Variants in RMND5A observed in about 807,000 individuals in gnomAD.
RMND5A encodes the protein required for meiotic nuclear division 5 homolog A.
A neutral mutation model predicts 49.7 loss-of-function variants in RMND5A; 17 were observed. The ratio of observed to expected loss-of-function variants is 0.34; its 90% CI spans 0.23 to 0.51. The LOEUF is 0.51. RMND5A is among the 20% of genes least tolerant of loss of function. The pLI, the probability that RMND5A is intolerant of heterozygous loss-of-function variation, is 0.96. For synonymous variants in RMND5A, 156 were observed against 167.7 expected, an observed-to-expected ratio of 0.93 and a Z score of 0.54; for missense variants, 255 against 471.3, an observed-to-expected ratio of 0.54 and a Z score of 4.25.
At chr2:86,724,184 C>T (rs1681262161) in intron 1 of RMND5A, among the ~76,000 whole-genome samples, 2 of 135,666 alleles carry the variant, frequency 1.5e-5, no homozygotes, top group Admixed American at 7.4e-5. Flanking sequence ...GTGCAGGCTT[C>T]GACTTGGTGC....
In RMND5A at chr2:86,776,564, A is replaced by G. The variant is rs1219384794; in HGVS notation, c.*3153A>G. On this transcript the variant is annotated 3_prime_UTR_variant, in exon 9 of 9. Transcript: ENST00000283632. ...TTCAGTCTTCTTTATGCTGCGATTG[A>G]TTTCCACCTCAGTGGCTTAGCCTTT... 6.6e-6 allele frequency: 1 copy of G among 152,180 alleles called. No individual in the cohort carries two copies. Among genetic ancestry groups the G allele is most frequent in the South Asian group, 2.1e-4 (1 of 4,830 alleles). The allele number at this position is 152,180 out of a possible 1,614,324, so 9.4% of individuals were successfully genotyped here.
intron 2 of RMND5A, 46 bp from the exon 3 acceptor site, chr2:86,751,850 G>T: frequency 1.3e-6 from 2 of 1,580,060 alleles, no homozygotes; most frequent in Admixed American, 1.7e-5. Context: ...GTTAAGTGGG[G>T]TGAAAATAAT....
In RMND5A at chr2:86,762,191, G is replaced by A. The variant is rs151131096; in HGVS notation, c.522-2836G>A. On this transcript the variant is annotated intron_variant, in intron 4 of 8. Coordinates refer to ENST00000283632, the MANE Select transcript of RMND5A (RefSeq NM_022780.4). The stretch of plus-strand genomic sequence containing the variant: ...TCACTGTAATATGGTATTGATTGGT[G>A]TGTCTTCCTGGTGGTTTCAGACCCC... Among the ~76,000 whole-genome samples the A allele has an allele frequency of 5.3e-5, 8 of 152,332 alleles. No homozygotes were observed. In the East Asian group the frequency reaches 1.5e-3, roughly 29 times the overall value.
In RMND5A at chr2:86,774,556, A is replaced by G. The variant is rs375718885; in HGVS notation, c.*1145A>G. On this transcript the variant is annotated 3_prime_UTR_variant, in exon 9 of 9. Coordinates refer to ENST00000283632, the MANE Select transcript of RMND5A (RefSeq NM_022780.4). ...ATAATGATCTTTTCTCTTGTGAGGT[A>G]TCTTCATTTATGCACTGTCCAAAAA... The G allele has an allele frequency of 5.0e-4, 76 of 152,736 alleles. 1 individual carries two copies. The highest frequency in any genetic ancestry group is 1.8e-3 in the African/African-American group (75 of 41,562). 9.5% of individuals were successfully genotyped at this position (152,736 alleles called of 1,614,324 possible).
At chr2:86,758,790 C>G (rs1044687513) in intron 4 of RMND5A, among the ~76,000 whole-genome samples, 13 of 152,168 alleles carry the variant, frequency 8.5e-5, no homozygotes, top group African/African-American at 2.9e-4. Context: ...AGAAATGAAA[C>G]ACTGAGTGTT....
At chr2:86,745,898 T>C (rs1220796729) in intron 2 of RMND5A, among the ~76,000 whole-genome samples, 1 of 152,158 alleles carries the variant, frequency 6.6e-6, no homozygotes, top group African/African-American at 2.4e-5. Flanking sequence ...TTAAACACTG[T>C]GCTGTACTAG....
chr2:86,746,971 C>T (rs1681547741), intron 2 of RMND5A, among the ~76,000 whole-genome samples: 1 of 152,194 alleles, frequency 6.6e-6, no homozygotes, highest in Non-Finnish European at 1.5e-5. Flanking sequence ...GATTATGACA[C>T]ACTACCAAGT....
intron 6 of RMND5A, among the ~76,000 whole-genome samples, chr2:86,767,425 CTTTTTTTTTT>C (rs11468234): frequency 0.7 from 97,505 of 139,962 alleles, 32,864 homozygotes; most frequent in East Asian, 0.91. Flanking sequence ...TTTTGGCAGT[CTTTTTTTTTT>C]TTTTTTTTTT....
In RMND5A at chr2:86,773,992, C is replaced by G. The variant is rs1573449111; in HGVS notation, c.*581C>G. On this transcript the variant is annotated 3_prime_UTR_variant, in exon 9 of 9. Coordinates refer to ENST00000283632, the MANE Select transcript of RMND5A (RefSeq NM_022780.4). ...CTCCAGCTCCAAGAAGTCAGCACAC[C>G]TGCATTTTAGCTCTGCATGCAGCCC... is the stretch of plus-strand genomic sequence containing the variant. The G allele has an allele frequency of 6.6e-6, 1 of 152,654 alleles. No homozygotes were observed. The highest frequency in any genetic ancestry group is 2.1e-4 in the South Asian group (1 of 4,828). The allele number at this position is 152,654 out of a possible 1,614,324, so 9.5% of individuals were successfully genotyped here. A position where few individuals can be genotyped will look rare whatever the true frequency, so the allele number is the denominator to read the frequency against.
Position 86,769,935 on chromosome 2 carries a change from A to G in RMND5A, c.855-88A>G. 3.4e-6 allele frequency: 3 copies of G among 873,748 alleles called. No homozygotes were observed. The Admixed American group carries it at 5.6e-5, about 16-fold the overall frequency. The allele number at this position is 873,748 out of a possible 1,614,324, so 54.1% of individuals were successfully genotyped here. On this transcript the variant is annotated intron_variant, in intron 6 of 8. Coordinates refer to ENST00000283632, the MANE Select transcript of RMND5A (RefSeq NM_022780.4). ...CTGTCCAGTGGCCAGGGTCTGCAGC[A>G]CATAGAGTCTGGAGAAATTGATGTC...
intron 1 of RMND5A, among the ~76,000 whole-genome samples, chr2:86,723,996 TG>T (rs1425897629): frequency 6.6e-6 from 1 of 152,122 alleles, no homozygotes; most frequent in Admixed American, 6.5e-5. Context: ...GAGGATAGTA[TG>T]GGCTGGTCTC....
chr2:86,733,273 AG>A (rs1573429379), intron 1 of RMND5A, among the ~76,000 whole-genome samples: 1 of 109,626 alleles, frequency 9.1e-6, no homozygotes, highest in East Asian at 2.7e-4. Context: ...CTGAACGTGT[AG>A]TATTTGCCAG....
chr2:86,735,110 C>G (rs1681393061), intron 1 of RMND5A, among the ~76,000 whole-genome samples: 1 of 152,138 alleles, frequency 6.6e-6, no homozygotes, highest in South Asian at 2.1e-4. Flanking sequence ...CTGGATAATC[C>G]ATTGTTTATC....
chr2:86,757,888 G>T (rs1681770709), intron 4 of RMND5A, among the ~76,000 whole-genome samples: 1 of 152,210 alleles, frequency 6.6e-6, no homozygotes, highest in Non-Finnish European at 1.5e-5. Flanking sequence ...AAACAAGCTT[G>T]TGGTAGGCAG....
chr2:86,759,117 C>A (rs188668849), intron 4 of RMND5A, among the ~76,000 whole-genome samples: 133 of 152,252 alleles, frequency 8.7e-4, no homozygotes, highest in Non-Finnish European at 1.3e-3. Flanking sequence ...GAAATAGACA[C>A]CCACCCAGGC....
At position 86,747,440 on chromosome 2, in the gene RMND5A, T is replaced by C. The variant is rs367817790; in HGVS notation, c.286-4456T>C. On this transcript the variant is annotated intron_variant, in intron 2 of 8. Coordinates refer to ENST00000283632, the MANE Select transcript of RMND5A (RefSeq NM_022780.4). ...TGTATGCGAAGTAGCTATCGTCTGT[T>C]AGTCTGAGGAGAACCAGAATCCAGG... 6.5e-4 allele frequency among the ~76,000 whole-genome samples: 99 copies of C among 152,356 alleles called. 2 individuals are homozygous for C. The South Asian group carries it at 0.02, about 31-fold the overall frequency.
chr2:86,764,802 T>TG (rs1672563052), intron 4 of RMND5A, among the ~76,000 whole-genome samples: 1 of 152,236 alleles, frequency 6.6e-6, no homozygotes, highest in Non-Finnish European at 1.5e-5. Flanking sequence ...TTCTAGTGAT[T>TG]GTCTATCTTA....
intron 6 of RMND5A, among the ~76,000 whole-genome samples, chr2:86,767,125 G>A (rs1020544093): frequency 4.6e-5 from 7 of 152,138 alleles, no homozygotes; most frequent in African/African-American, 1.4e-4. Flanking sequence ...GTGTAGTGGC[G>A]CAATCTCAGC....
At chr2:86,749,409 A>C (rs1409232325) in intron 2 of RMND5A, among the ~76,000 whole-genome samples, 3 of 146,842 alleles carry the variant, frequency 2.0e-5, no homozygotes, top group Non-Finnish European at 4.5e-5. Context: ...TTTTTTTTTG[A>C]GATGGAGTCT....
Sources: allele counts gnomAD v4.1 joint callset (sites outside exome capture counted in the v4.1 genomes callset), GRCh38; gene constraint gnomAD v4.1.1; transcripts MANE v1.5; gene names NCBI Gene and HGNC (gene_info 2026-07-23, HGNC 2026-07-21).